The following GRM8 variants were observed in gnomAD, a reference collection of about 807,000 sequenced individuals.
GRM8 encodes metabotropic glutamate receptor 8.
A neutral mutation model predicts 87.2 loss-of-function variants in GRM8; 47 were observed. That is an observed-to-expected ratio of 0.54 (90% confidence interval 0.43 to 0.69). GRM8 has a LOEUF of 0.69. Ranked by LOEUF, GRM8 falls within the 30% of genes least tolerant of loss-of-function variation. The pLI is 0.00. For synonymous variants in GRM8, 396 were observed against 404.5 expected, an observed-to-expected ratio of 0.98 and a Z score of 0.25; for missense variants, 1,019 against 1,139.2, an observed-to-expected ratio of 0.89 and a Z score of 1.52.
chr7:127,101,611 C>T (rs1322947485), intron 3 of GRM8, among the ~76,000 whole-genome samples: 1 of 152,170 alleles, frequency 6.6e-6, no homozygotes, highest in African/African-American at 2.4e-5. Flanking sequence ...TGATTGTAAG[C>T]CTCAAAAGGC....
intron 6 of GRM8, among the ~76,000 whole-genome samples, chr7:126,898,854 T>G (rs1193916711): frequency 6.6e-6 from 1 of 152,146 alleles, no homozygotes; most frequent in Non-Finnish European, 1.5e-5. Context: ...GATGGTTTGC[T>G]GCACCCATCA....
chr7:126,683,141 G>T (rs550219251), intron 7 of GRM8, among the ~76,000 whole-genome samples: 1 of 152,196 alleles, frequency 6.6e-6, no homozygotes, highest in East Asian at 1.9e-4. Flanking sequence ...AATGGTGAAG[G>T]AAAGGCAGGG....
chr7:126,855,399 T>A (rs555684836), intron 6 of GRM8, among the ~76,000 whole-genome samples: 1 of 151,988 alleles, frequency 6.6e-6, no homozygotes, highest in South Asian at 2.1e-4. Context: ...TCAGAACAGC[T>A]AGGAAACTTG....
At chr7:127,238,312 G>A (rs1356520463) in intron 2 of GRM8, among the ~76,000 whole-genome samples, 2 of 119,260 alleles carry the variant, frequency 1.7e-5, no homozygotes, top group African/African-American at 7.1e-5. Context: ...GTGCATGTGT[G>A]TGTGTGTGTG....
intron 2 of GRM8, among the ~76,000 whole-genome samples, chr7:127,226,862 G>T (rs1182884620): frequency 6.6e-6 from 1 of 152,160 alleles, no homozygotes; most frequent in Non-Finnish European, 1.5e-5. Context: ...GTTTCTACCG[G>T]CTTGCACGCC....
intron 9 of GRM8, among the ~76,000 whole-genome samples, chr7:126,473,860 C>T (rs1421128895): frequency 6.6e-6 from 1 of 152,058 alleles, no homozygotes; most frequent in Non-Finnish European, 1.5e-5. Flanking sequence ...AGGACAGTTA[C>T]CCTGAACACA....
chr7:126,513,194 TA>T (rs947029982), intron 9 of GRM8, among the ~76,000 whole-genome samples: 26 of 151,280 alleles, frequency 1.7e-4, no homozygotes, highest in Non-Finnish European at 2.9e-4. Flanking sequence ...CTCTTGTTTT[TA>T]AAAAAAAAGA....
chr7:126,910,166 C>G (rs1314540131), intron 3 of GRM8, among the ~76,000 whole-genome samples: 1 of 152,158 alleles, frequency 6.6e-6, no homozygotes, highest in East Asian at 1.9e-4. Flanking sequence ...CCAGTCTACC[C>G]TCCAAACTTT....
chr7:126,531,758 T>C (rs1293145686), intron 9 of GRM8, among the ~76,000 whole-genome samples: 2 of 152,212 alleles, frequency 1.3e-5, no homozygotes, highest in African/African-American at 2.4e-5. Flanking sequence ...GAAGGCCACA[T>C]TGATTGAGGA....
At chr7:126,867,622 A>T (rs1397903258) in intron 6 of GRM8, among the ~76,000 whole-genome samples, 2 of 152,328 alleles carry the variant, frequency 1.3e-5, no homozygotes, top group African/African-American at 4.8e-5. Flanking sequence ...GGAAGAGAGA[A>T]AACGATCCTA....
intron 9 of GRM8, among the ~76,000 whole-genome samples, chr7:126,524,237 C>T (rs1813485481): frequency 6.6e-6 from 1 of 152,170 alleles, no homozygotes; most frequent in Non-Finnish European, 1.5e-5. Flanking sequence ...TCATATCTGA[C>T]ATGCCTTTTT....
chr7:126,876,896 G>A (rs936626451), intron 6 of GRM8, among the ~76,000 whole-genome samples: 1 of 151,096 alleles, frequency 6.6e-6, no homozygotes, highest in East Asian at 1.9e-4. Flanking sequence ...CTAACTTACT[G>A]TGTAATGCTT....
chr7:126,497,704 G>T (rs1401527962), intron 9 of GRM8, among the ~76,000 whole-genome samples: 1 of 151,884 alleles, frequency 6.6e-6, no homozygotes, highest in Non-Finnish European at 1.5e-5. Context: ...TTCTGTAAAT[G>T]GTAAATGTAA....
chr7:126,787,142 A>T (rs1320095418), intron 6 of GRM8, among the ~76,000 whole-genome samples: 1 of 152,108 alleles, frequency 6.6e-6, no homozygotes, highest in African/African-American at 2.4e-5. Flanking sequence ...CATCAAAAGA[A>T]ACTGCTTCAC....
Position 126,604,482 on chromosome 7 carries a change from C to A in GRM8, c.1494+4880G>T, listed in dbSNP as rs71576284. On this transcript the variant is annotated intron_variant, in intron 8 of 10. Coordinates refer to ENST00000339582, the MANE Select transcript of GRM8 (RefSeq NM_000845.3). ...CTCTATAGTAGGCTGGTTGTACTGG[C>A]AAAACAAAACAAAAATTATTATTAT... Among the ~76,000 whole-genome samples, 1,097 of 152,080 alleles carry A rather than the reference C, an allele frequency of 7.2e-3. 12 individuals are homozygous for A. Among genetic ancestry groups the A allele is most frequent in the South Asian group, 0.038 (184 of 4,816 alleles).
rs143953274 is a variant in GRM8 at position 127,014,904 on chromosome 7, G to A, written c.727+91592C>T. Among the ~76,000 whole-genome samples, 721 of 146,906 alleles carry A rather than the reference G, an allele frequency of 4.9e-3. 7 individuals are homozygous for A. The highest frequency in any genetic ancestry group is 0.017 in the African/African-American group (654 of 39,156). On this transcript the variant is annotated intron_variant, in intron 3 of 10. Transcript: ENST00000339582. Reference sequence around the variant, plus strand: ...TCATACTTCAGGCACATCCAACATGGGAGGGGAGAAAGGAAAGAGAAGGAG... The same window carrying A: ...TCATACTTCAGGCACATCCAACATGAGAGGGGAGAAAGGAAAGAGAAGGAG...
chr7:126,797,142 A>G (rs1489098052), intron 6 of GRM8, among the ~76,000 whole-genome samples: 2 of 152,102 alleles, frequency 1.3e-5, no homozygotes, highest in African/African-American at 2.4e-5. Flanking sequence ...TCCCCACCCT[A>G]TGAGTTATTA....
chr7:127,038,552 A>G (rs1001275983), intron 3 of GRM8, among the ~76,000 whole-genome samples: 1 of 152,206 alleles, frequency 6.6e-6, no homozygotes, highest in African/African-American at 2.4e-5. Flanking sequence ...ATAAGCTTCG[A>G]GTGAACTCAC....
At chr7:126,688,181 G>A (rs149488468) in intron 7 of GRM8, among the ~76,000 whole-genome samples, 61 of 152,254 alleles carry the variant, frequency 4.0e-4, no homozygotes, top group Non-Finnish European at 4.7e-4. Context: ...TCTCATATAC[G>A]TATGTTCAGG....
Sources: allele counts gnomAD v4.1 joint callset (sites outside exome capture counted in the v4.1 genomes callset), GRCh38; gene constraint gnomAD v4.1.1; transcripts MANE v1.5; gene names NCBI Gene and HGNC (gene_info 2026-07-23, HGNC 2026-07-21).